CA10: variants seen among roughly 807,000 people sequenced by gnomAD.
CA10 encodes carbonic anhydrase-related protein 10.
In CA10, 14 loss-of-function variants were observed where a neutral mutation model predicts 44.2. The observed-to-expected ratio is 0.32, with a 90% CI of 0.21 to 0.50. The LOEUF (loss-of-function observed/expected upper bound fraction) is 0.50. Ranked by LOEUF, CA10 falls within the 20% of genes least tolerant of loss-of-function variation. The pLI, the probability that CA10 is intolerant of heterozygous loss-of-function variation, is 0.99. For synonymous variants in CA10, 159 were observed against 141.6 expected, an observed-to-expected ratio of 1.12 and a Z score of -0.87; for missense variants, 350 against 409.7, an observed-to-expected ratio of 0.85 and a Z score of 1.26.
intron 2 of CA10, among the ~76,000 whole-genome samples, chr17:52,024,587 C>A (rs886919079): frequency 2.0e-5 from 3 of 151,996 alleles, no homozygotes; most frequent in Non-Finnish European, 4.4e-5. Flanking sequence ...AAGGAAGTAG[C>A]AGCGTGGCAT....
At chr17:51,693,754 C>T (rs1156493719) in intron 4 of CA10, among the ~76,000 whole-genome samples, 1 of 152,060 alleles carries the variant, frequency 6.6e-6, no homozygotes, top group African/African-American at 2.4e-5. Flanking sequence ...TAATGGGGGG[C>T]CCCTAGGTTG....
intron 2 of CA10, among the ~76,000 whole-genome samples, chr17:52,011,583 A>T (rs1160405856): frequency 6.6e-6 from 1 of 152,112 alleles, no homozygotes. Flanking sequence ...TACTTTGCCA[A>T]AAGAACATTT....
At chr17:51,833,728 T>G (rs1402361916) in intron 3 of CA10, among the ~76,000 whole-genome samples, 2 of 152,192 alleles carry the variant, frequency 1.3e-5, no homozygotes, top group South Asian at 4.1e-4. Context: ...AGTTCTGAAA[T>G]ATGTATATAT....
intron 1 of CA10, among the ~76,000 whole-genome samples, chr17:52,107,937 A>T (rs2143272403): frequency 6.6e-6 from 1 of 152,242 alleles, no homozygotes; most frequent in East Asian, 1.9e-4. Flanking sequence ...AAAGCAGAAA[A>T]TGCCACATAC....
At chr17:52,120,502 T>C (rs1988993466) in intron 1 of CA10, among the ~76,000 whole-genome samples, 1 of 152,154 alleles carries the variant, frequency 6.6e-6, no homozygotes, top group Non-Finnish European at 1.5e-5. Context: ...GGCATTTAGA[T>C]GTACTTCTAA....
intron 3 of CA10, among the ~76,000 whole-genome samples, chr17:51,777,544 G>A (rs1226261041): frequency 6.6e-6 from 1 of 152,112 alleles, no homozygotes; most frequent in Non-Finnish European, 1.5e-5. Context: ...TGTATACTGA[G>A]GGACAACTAT....
At chr17:51,912,057 T>C (rs1181487397) in intron 3 of CA10, among the ~76,000 whole-genome samples, 1 of 152,148 alleles carries the variant, frequency 6.6e-6, no homozygotes, top group East Asian at 1.9e-4. Flanking sequence ...TCACATTCTA[T>C]AAAGCCCACA....
intron 4 of CA10, among the ~76,000 whole-genome samples, chr17:51,724,575 T>C (rs1042774884): frequency 3.3e-5 from 5 of 152,206 alleles, no homozygotes; most frequent in Admixed American, 6.5e-5. Context: ...GCAGCTTTGA[T>C]TTGTTGGGGT....
chr17:51,831,927 C>G (rs1319287235), intron 3 of CA10, among the ~76,000 whole-genome samples: 1 of 152,100 alleles, frequency 6.6e-6, no homozygotes. Flanking sequence ...GCTAGATAGG[C>G]AACTGATGCC....
intron 3 of CA10, among the ~76,000 whole-genome samples, chr17:51,916,216 T>C (rs1981992431): frequency 6.6e-6 from 1 of 151,978 alleles, no homozygotes; most frequent in Admixed American, 6.6e-5. Flanking sequence ...TCTGGAGGGG[T>C]AGAAGCTTAA....
intron 4 of CA10, among the ~76,000 whole-genome samples, chr17:51,669,440 A>T (rs1914331257): frequency 6.6e-6 from 1 of 152,120 alleles, no homozygotes; most frequent in African/African-American, 2.4e-5. Flanking sequence ...AGATAAGGGA[A>T]TAGAAGCAGG....
chr17:51,844,184 G>T (rs1978392904), intron 3 of CA10, among the ~76,000 whole-genome samples: 1 of 152,052 alleles, frequency 6.6e-6, no homozygotes, highest in South Asian at 2.1e-4. Flanking sequence ...AATTTTTAAG[G>T]ATAATGATAG....
At chr17:51,752,314 C>T (rs540763989) in intron 3 of CA10, among the ~76,000 whole-genome samples, 46 of 150,822 alleles carry the variant, frequency 3.0e-4, no homozygotes, top group East Asian at 1.4e-3. Flanking sequence ...TATTTGGGTG[C>T]GCAGCATGTT....
At chr17:51,937,463 C>T (rs547754038) in intron 2 of CA10, among the ~76,000 whole-genome samples, 5 of 152,180 alleles carry the variant, frequency 3.3e-5, no homozygotes, top group African/African-American at 1.2e-4. Flanking sequence ...TCCTCCATTG[C>T]AGGGCCTCTG....
intron 4 of CA10, among the ~76,000 whole-genome samples, chr17:51,724,691 T>G (rs1470455760): frequency 1.3e-5 from 2 of 152,220 alleles, no homozygotes; most frequent in African/African-American, 4.8e-5. Context: ...TCTAAAGAGA[T>G]GAAGGTTTGC....
chr17:52,147,409 C>T (rs953051271), intron 1 of CA10, among the ~76,000 whole-genome samples: 5 of 151,308 alleles, frequency 3.3e-5, no homozygotes, highest in African/African-American at 1.2e-4. Context: ...TGAAGTTGTT[C>T]AACTTGTCTT....
intron 3 of CA10, among the ~76,000 whole-genome samples, chr17:51,810,600 G>C (rs137942042): frequency 3.9e-5 from 6 of 152,306 alleles, no homozygotes; most frequent in South Asian, 2.1e-4. Flanking sequence ...TGCAGCTCAA[G>C]AAGAAGCCCC....
At chr17:51,674,077 C>T (rs1356736464) in intron 4 of CA10, among the ~76,000 whole-genome samples, 1 of 152,214 alleles carries the variant, frequency 6.6e-6, no homozygotes, top group Non-Finnish European at 1.5e-5. Flanking sequence ...CCATCATGCC[C>T]ACAACATACC....
chr17:51,881,415 A>T (rs1980370673), intron 3 of CA10, among the ~76,000 whole-genome samples: 1 of 152,146 alleles, frequency 6.6e-6, no homozygotes, highest in African/African-American at 2.4e-5. Flanking sequence ...GGATTCACAA[A>T]GATTCATGTA....
Sources: gnomAD v4.1 joint callset for allele counts (sites outside exome capture counted in the v4.1 genomes callset) on GRCh38, gnomAD v4.1.1 for gene constraint, MANE v1.5 for transcripts, NCBI Gene and HGNC (gene_info 2026-07-23, HGNC 2026-07-21) for gene names.